Variants in ZNF727 observed in about 807,000 individuals in gnomAD.
The protein encoded by ZNF727 is putative zinc finger protein 727.
ZNF727 carries 11 observed loss-of-function variants against 11.5 expected under a neutral mutation model. That is an observed-to-expected ratio of 0.95 (90% CI 0.60 to 1.58). The LOEUF (loss-of-function observed/expected upper bound fraction) is 1.58, where lower values mean the gene tolerates loss of function less well. Ranked by LOEUF, ZNF727 falls within the 40% of genes most tolerant of loss-of-function variation. The pLI is 0.00. For synonymous variants in ZNF727, 171 were observed against 196.1 expected, an observed-to-expected ratio of 0.87 and a Z score of 1.07; for missense variants, 533 against 581.7, an observed-to-expected ratio of 0.92 and a Z score of 0.86.
chr7:64,080,914 A>T lies in ZNF727; in HGVS notation c.*2365A>T, dbSNP rs1216979323. Among the ~76,000 whole-genome samples the T allele has an allele frequency of 2.8e-5, 4 of 145,292 alleles. No homozygotes were observed. The highest frequency in any genetic ancestry group is 3.0e-5 in the Non-Finnish European group (2 of 66,860). Reference sequence around the variant, plus strand: ...TTTGTTTTTTTTTTTGTGGTGGTGGAGGGGGCAATGCTCAGCTCACAACTC... The same window carrying T: ...TTTGTTTTTTTTTTTGTGGTGGTGGTGGGGGCAATGCTCAGCTCACAACTC... On this transcript the variant is annotated 3_prime_UTR_variant, in exon 4 of 4. Transcript: ENST00000456806.
intron 1 of ZNF727, among the ~76,000 whole-genome samples, chr7:64,058,315 CCTT>C (rs200837874): frequency 0.015 from 2,263 of 152,228 alleles, 62 homozygotes; most frequent in African/African-American, 0.051. Context: ...AGGTCAGACT[CCTT>C]CTCCCATTTA....
chr7:64,068,966 C>G lies in ZNF727; in HGVS notation c.79C>G (p.Arg27Gly). ...EWECLDSAQQRLYRDVMLENY... is the reference protein window; with the variant it reads ...EWECLDSAQQGLYRDVMLENY... Reference sequence around the variant, plus strand: ...GGAATGCCTGGACTCTGCTCAGCAGCGTTTGTATAGGGATGTGATGTTAGA... The same window carrying G: ...GGAATGCCTGGACTCTGCTCAGCAGGGTTTGTATAGGGATGTGATGTTAGA... Residue 27 changes from arginine (R) to glycine (G), a missense_variant, in exon 2 of 4, where the codon CGT becomes GGT. Physicochemically the swap from Arg to Gly is moderately radical, Grantham distance 125. Transcript: ENST00000456806. The G allele has an allele frequency of 1.2e-6, 2 of 1,605,900 alleles. No homozygotes were observed. The highest frequency in any genetic ancestry group is 1.7e-6 in the Non-Finnish European group (2 of 1,175,630).
At chr7:64,053,841 C>T (rs1337310107) in intron 1 of ZNF727, among the ~76,000 whole-genome samples, 3 of 152,158 alleles carry the variant, frequency 2.0e-5, no homozygotes, top group East Asian at 1.9e-4. Context: ...CACTAATACA[C>T]GGAGTGGGCG....
chr7:64,062,387 T>C (rs531302569), intron 1 of ZNF727, among the ~76,000 whole-genome samples: 1 of 152,048 alleles, frequency 6.6e-6, no homozygotes, highest in South Asian at 2.1e-4. Flanking sequence ...TAATAAAATC[T>C]CTCAGCTTGT....
Position 64,084,150 on chromosome 7 carries a change from C to A in ZNF727, c.*5601C>A, listed in dbSNP as rs1785837567. The stretch of plus-strand genomic sequence containing the variant: ...CATGAAGAAATTCTAAGTGGAAAGG[C>A]CACTTAGTGGTTGATTTACAACAGC... On this transcript the variant is annotated 3_prime_UTR_variant, in exon 4 of 4. Transcript: ENST00000456806. Among the ~76,000 whole-genome samples, 2 of 152,026 alleles carry A rather than the reference C, an allele frequency of 1.3e-5. No homozygotes were observed. The highest frequency in any genetic ancestry group is 2.9e-5 in the Non-Finnish European group (2 of 68,018).
In ZNF727 at chr7:64,052,372, C is replaced by CTT. The variant is rs1438063344; in HGVS notation, c.3+6749_3+6750insTT. Among the ~76,000 whole-genome samples, 6 of 69,172 alleles carry CTT rather than the reference C, an allele frequency of 8.7e-5. No individual in the cohort carries two copies. The East Asian group carries it at 1.8e-3, about 21-fold the overall frequency. The allele number at this position is 69,172 out of a possible 152,430, so 45.4% of individuals were successfully genotyped here. A position where few individuals can be genotyped will look rare whatever the true frequency, so the allele number is the denominator to read the frequency against. ...AAACAGGAGTTCCCCTGGACAATTT[C>CTT]TCTCTCTTTTTTTTTTTTTTTTTTT... On this transcript the variant is annotated intron_variant, in intron 1 of 3. Transcript: ENST00000456806.
rs951109836 is a variant in ZNF727, at chr7:64,082,303, C to G, written c.*3754C>G. Among the ~76,000 whole-genome samples, 1 of 152,160 alleles carries G rather than the reference C, an allele frequency of 6.6e-6. No homozygotes were observed. Among genetic ancestry groups the G allele is most frequent in the Non-Finnish European group, 1.5e-5 (1 of 68,032 alleles). On this transcript the variant is annotated 3_prime_UTR_variant, in exon 4 of 4. Coordinates refer to ENST00000456806, the MANE Select transcript of ZNF727 (RefSeq NM_001159522.3). ...CCCAGTGAGAATATATGAGAACAGG[C>G]ACTCACGTAACAGTCTGGCCACTTT... is the stretch of plus-strand genomic sequence containing the variant.
chr7:64,050,856 A>G (rs1789587221), intron 1 of ZNF727, among the ~76,000 whole-genome samples: 1 of 151,466 alleles, frequency 6.6e-6, no homozygotes, highest in Admixed American at 6.6e-5. Flanking sequence ...AAATAAATGG[A>G]CTTTTGACTG....
chr7:64,076,429 G>A (rs1453833642), intron 3 of ZNF727, among the ~76,000 whole-genome samples: 4 of 152,072 alleles, frequency 2.6e-5, no homozygotes, highest in Admixed American at 6.6e-5. Flanking sequence ...TGGCCAACAC[G>A]GTGAAACCCC....
intron 1 of ZNF727, among the ~76,000 whole-genome samples, chr7:64,055,010 C>T (rs1246985185): frequency 6.6e-6 from 1 of 152,018 alleles, no homozygotes; most frequent in Non-Finnish European, 1.5e-5. Flanking sequence ...TTGGTAATGT[C>T]ATCTTTTCCC....
Position 64,077,356 on chromosome 7 carries a change from T to C in ZNF727, c.307T>C (p.Ser103Pro). The C allele has an allele frequency of 1.3e-6, 2 of 1,551,008 alleles. No homozygotes were observed. Among genetic ancestry groups the C allele is most frequent in the Admixed American group, 3.9e-5 (2 of 50,874 alleles). ...DSFQKVILRK[S>P]GSCDLNTLRL... ...ATTTCAAAAAGTGATCCTGAGAAAATCTGGAAGCTGTGACCTTAATACTTT... is the reference window on the plus strand; with the variant it reads ...ATTTCAAAAAGTGATCCTGAGAAAACCTGGAAGCTGTGACCTTAATACTTT... The change falls in exon 4 of 4, where the codon TCT becomes CCT. Residue 103 changes from serine (S) to proline (P), a missense_variant. Physicochemically the swap from Ser to Pro is moderately conservative, Grantham distance 74. Transcript: ENST00000456806.
chr7:64,070,732 T>C (rs1562796166), intron 3 of ZNF727, among the ~76,000 whole-genome samples: 2 of 152,064 alleles, frequency 1.3e-5, no homozygotes, highest in Admixed American at 6.6e-5. Flanking sequence ...CCATAACTTA[T>C]GTCTTTTCAC....
chr7:64,082,733 T>G lies in ZNF727; in HGVS notation c.*4184T>G, dbSNP rs1398175260. Among the ~76,000 whole-genome samples the G allele has an allele frequency of 1.3e-5, 2 of 151,982 alleles. No homozygotes were observed. The highest frequency in any genetic ancestry group is 2.9e-5 in the Non-Finnish European group (2 of 67,994). ...TCTACTAAAATACAAAAAAAGAAAA[T>G]TAGCCAGGTGTGGCGGCATGCACCA... On this transcript the variant is annotated 3_prime_UTR_variant, in exon 4 of 4. Coordinates refer to ENST00000456806, the MANE Select transcript of ZNF727 (RefSeq NM_001159522.3).
chr7:64,084,289 G>A lies in ZNF727; in HGVS notation c.*5740G>A, dbSNP rs1004910008. Among the ~76,000 whole-genome samples the A allele has an allele frequency of 6.6e-6, 1 of 152,104 alleles. No homozygotes were observed. On this transcript the variant is annotated 3_prime_UTR_variant, in exon 4 of 4. Transcript: ENST00000456806. ...ATTGCTTTACCATTTGCAAACTAAG[G>A]TAATTAAAATACAGTGAGTTTCAAA...
intron 1 of ZNF727, among the ~76,000 whole-genome samples, chr7:64,068,395 G>A (rs1212683816): frequency 6.6e-6 from 1 of 151,936 alleles, no homozygotes; most frequent in Non-Finnish European, 1.5e-5. Context: ...CTGAATTTTT[G>A]ACAAAATATT....
At position 64,081,712 on chromosome 7, in the gene ZNF727, A is replaced by G. The variant is rs1785796063; in HGVS notation, c.*3163A>G. Among the ~76,000 whole-genome samples, 1 of 152,252 alleles carries G rather than the reference A, an allele frequency of 6.6e-6. No individual in the cohort carries two copies. Among genetic ancestry groups the G allele is most frequent in the Non-Finnish European group, 1.5e-5 (1 of 68,024 alleles). Reference sequence around the variant, plus strand: ...AGCAGACCAAGGAGTGCTCAGTTGGATCAGCTTCTTCTGATTTGCAAGACC... The same window carrying G: ...AGCAGACCAAGGAGTGCTCAGTTGGGTCAGCTTCTTCTGATTTGCAAGACC... On this transcript the variant is annotated 3_prime_UTR_variant, in exon 4 of 4. Coordinates refer to ENST00000456806, the MANE Select transcript of ZNF727 (RefSeq NM_001159522.3).
At chr7:64,062,303 T>C (rs879811961) in intron 1 of ZNF727, among the ~76,000 whole-genome samples, 24 of 152,138 alleles carry the variant, frequency 1.6e-4, no homozygotes, top group Admixed American at 1.1e-3. Flanking sequence ...TGTTTTCTTA[T>C]TGCTCATTAA....
At chr7:64,060,106 G>A (rs985568522) in intron 1 of ZNF727, among the ~76,000 whole-genome samples, 2 of 152,088 alleles carry the variant, frequency 1.3e-5, no homozygotes, top group Non-Finnish European at 2.9e-5. Flanking sequence ...TCAATTAATA[G>A]TTTTATTTAG....
Position 64,077,606 on chromosome 7 carries a change from A to AT in ZNF727, c.561dup (p.Thr188TyrfsTer11), listed in dbSNP as rs1422259137. On this transcript the variant is annotated frameshift_variant, in exon 4 of 4. Coordinates refer to ENST00000456806, the MANE Select transcript of ZNF727 (RefSeq NM_001159522.3). LOFTEE classifies it low-confidence loss of function (END_TRUNC). Reference sequence around the variant, plus strand: ...TGTGGCAAAGACTGTAGGTTGTCAGATTTTACCATACAGAAGAGAATTCAT... The same window carrying AT: ...TGTGGCAAAGACTGTAGGTTGTCAGATTTTTACCATACAGAAGAGAATTCAT... 1.9e-6 allele frequency: 3 copies of AT among 1,551,472 alleles called. No individual in the cohort carries two copies. Among genetic ancestry groups the AT allele is most frequent in the South Asian group, 2.4e-5 (2 of 84,050 alleles).
Sources: allele counts gnomAD v4.1 joint callset (sites outside exome capture counted in the v4.1 genomes callset), GRCh38; gene constraint gnomAD v4.1.1; transcripts MANE v1.5; gene names NCBI Gene and HGNC (gene_info 2026-07-23, HGNC 2026-07-21).